INPP4A: variants seen among roughly 807,000 people sequenced by gnomAD.
INPP4A encodes the protein inositol polyphosphate-4-phosphatase type I A, also known as inositol polyphosphate-4-phosphatase, type I, 107kD.
INPP4A carries 33 observed loss-of-function variants against 119.8 expected under a neutral mutation model. That is an observed-to-expected ratio of 0.28 (90% confidence interval 0.21 to 0.37). INPP4A has a LOEUF of 0.37. Among genes scored for constraint, INPP4A ranks in the 10% least tolerant of loss-of-function variants. The probability of loss-of-function intolerance (pLI) is 1.00; values close to 1 mark genes in which losing one functional copy is unlikely to be tolerated. For synonymous variants in INPP4A, 496 were observed against 500.7 expected (o/e 0.99, Z 0.12); for missense variants, 956 against 1,289.9 (o/e 0.74, Z 3.97).
At chr2:98,461,647 C>T (rs919414986) in intron 1 of INPP4A, among the ~76,000 whole-genome samples, 2 of 152,252 alleles carry the variant, frequency 1.3e-5, no homozygotes, top group African/African-American at 2.4e-5. Context: ...CATGTCCCCT[C>T]CCTTAAGACA....
At chr2:98,521,274 T>TG (rs1240475337) in intron 4 of INPP4A, 1 of 152,460 alleles carries the variant, frequency 6.6e-6, no homozygotes, top group African/African-American at 2.4e-5. Context: ...CAGCGATACG[T>TG]GGCATCACTG....
intron 1 of INPP4A, among the ~76,000 whole-genome samples, chr2:98,474,589 C>T (rs951717750): frequency 6.6e-6 from 1 of 152,178 alleles, no homozygotes; most frequent in Admixed American, 6.5e-5. Flanking sequence ...AAGACCCAAA[C>T]CAGGCTTCTG....
chr2:98,510,235 G>C (rs575664310), intron 1 of INPP4A, among the ~76,000 whole-genome samples: 1 of 152,294 alleles, frequency 6.6e-6, no homozygotes, highest in Non-Finnish European at 1.5e-5. Context: ...GGATGTGAGA[G>C]GAGGAGGAGG....
intron 7 of INPP4A, among the ~76,000 whole-genome samples, chr2:98,537,244 A>C (rs537418192): frequency 1.3e-5 from 2 of 152,372 alleles, no homozygotes; most frequent in South Asian, 4.1e-4. Flanking sequence ...GAAAGCCTGA[A>C]GTTCCAGGGT....
intron 13 of INPP4A, chr2:98,548,904 G>A (rs980351964): frequency 1.9e-6 from 3 of 1,556,040 alleles, no homozygotes; most frequent in African/African-American, 1.4e-5. Flanking sequence ...TTTGCATTTG[G>A]TATTTGCTAA....
intron 1 of INPP4A, among the ~76,000 whole-genome samples, chr2:98,465,750 A>G (rs1245137384): frequency 1.3e-5 from 2 of 152,064 alleles, no homozygotes; most frequent in Non-Finnish European, 2.9e-5. Flanking sequence ...TCATTTTACT[A>G]TGTTGTTACA....
chr2:98,555,974 C>T (rs776565149), intron 16 of INPP4A, 166 bp downstream of exon 16: 27 of 747,022 alleles, frequency 3.6e-5, no homozygotes, highest in Non-Finnish European at 5.0e-5. Flanking sequence ...GCAGTGAGAG[C>T]GGAGTCTCCG....
intron 1 of INPP4A, among the ~76,000 whole-genome samples, chr2:98,512,162 C>T (rs1685237322): frequency 1.3e-5 from 2 of 152,232 alleles, no homozygotes; most frequent in Admixed American, 1.3e-4. Flanking sequence ...GAGCTCTATG[C>T]GGATGTTTTC....
intron 1 of INPP4A, among the ~76,000 whole-genome samples, chr2:98,480,948 C>T (rs560625336): frequency 4.2e-4 from 64 of 152,294 alleles, no homozygotes; most frequent in African/African-American, 1.4e-3. Flanking sequence ...TGGTGCTGCA[C>T]GTGCTCCATT....
intron 1 of INPP4A, among the ~76,000 whole-genome samples, chr2:98,460,434 C>G (rs1341430475): frequency 6.6e-6 from 1 of 152,066 alleles, no homozygotes; most frequent in Non-Finnish European, 1.5e-5. Flanking sequence ...GGCTCGAGCC[C>G]CTTCAGGCCT....
At chr2:98,542,544 A>G (rs1366889431) in intron 10 of INPP4A, among the ~76,000 whole-genome samples, 1 of 152,156 alleles carries the variant, frequency 6.6e-6, no homozygotes, top group Non-Finnish European at 1.5e-5. Context: ...TTCCACATAT[A>G]TGTGTAAAGT....
intron 1 of INPP4A, among the ~76,000 whole-genome samples, chr2:98,491,896 ATT>A (rs57088045): frequency 4.0e-5 from 6 of 148,740 alleles, no homozygotes; most frequent in African/African-American, 1.5e-4. Flanking sequence ...TCACAAGTGC[ATT>A]TTTTTTTTTG....
chr2:98,555,039 C>T (rs139858713), intron 15 of INPP4A, among the ~76,000 whole-genome samples: 1 of 152,328 alleles, frequency 6.6e-6, no homozygotes, highest in East Asian at 1.9e-4. Context: ...ATTGAGACTA[C>T]TGCTTAGAGG....
chr2:98,508,129 G>A (rs1480475269), intron 1 of INPP4A, among the ~76,000 whole-genome samples: 3 of 152,230 alleles, frequency 2.0e-5, no homozygotes, highest in Non-Finnish European at 4.4e-5. Context: ...AAGGGAAGAA[G>A]GAGAGAAGCA....
rs1018954558 is a variant in INPP4A at position 98,546,426 on chromosome 2, G to GCAGA, written c.1055-158_1055-155dup. Among the ~76,000 whole-genome samples, 1 of 152,204 alleles carries GCAGA rather than the reference G, an allele frequency of 6.6e-6. No homozygotes were observed. The highest frequency in any genetic ancestry group is 2.4e-5 in the African/African-American group (1 of 41,454). ...GCTGAGGTGATGGCACTGGGCTCCA[G>GCAGA]CAGACCCTTGGGCAGCCAGGGCTGT... On this transcript the variant is annotated intron_variant, in intron 12 of 24. Transcript: ENST00000409851. This position sits in a 1 kb window ranked among gnomAD's most constrained non-coding sequence, Gnocchi z 4.2.
chr2:98,587,478 A>G lies in INPP4A; in HGVS notation c.2789A>G (p.Glu930Gly). Residue 930 changes from glutamate to glycine, a missense_variant and splice_region_variant, in exon 25 of 25, where the codon GAG becomes GGG. This residue lies in a region of INPP4A where 304 missense variants were observed against 492.1 expected (regional missense o/e 0.62). Coordinates refer to ENST00000409851, the MANE Select transcript of INPP4A (RefSeq NM_001134225.2). ...FTQALECMRS[E>G]GCRRENTMKN... ...TCTTGTGCTTGTTTTTTCCCCAGTGAGGGTTGTCGAAGAGAAAATACAATG... is the reference window on the plus strand; with the variant it reads ...TCTTGTGCTTGTTTTTTCCCCAGTGGGGGTTGTCGAAGAGAAAATACAATG... 6.3e-7 allele frequency: 1 copy of G among 1,577,600 alleles called. No homozygotes were observed. The highest frequency in any genetic ancestry group is 1.9e-5 in the Admixed American group (1 of 52,918).
intron 1 of INPP4A, among the ~76,000 whole-genome samples, chr2:98,467,745 TAAC>T (rs1349767512): frequency 2.0e-5 from 3 of 152,322 alleles, no homozygotes; most frequent in East Asian, 3.9e-4. Context: ...TGCACCATAA[TAAC>T]GTTTTTCTGA....
chr2:98,460,990 C>A (rs1232718152), intron 1 of INPP4A, among the ~76,000 whole-genome samples: 1 of 152,278 alleles, frequency 6.6e-6, no homozygotes, highest in East Asian at 1.9e-4. Context: ...GGGGCTCTCC[C>A]TACAGTGTGA....
In INPP4A at chr2:98,587,591, G is replaced by A. The variant is rs76257041; in HGVS notation, c.2902G>A (p.Gly968Arg). The change falls in exon 25 of 25, where the codon GGA becomes AGA. Residue 968 changes from glycine (G) to arginine (R), a missense_variant. This residue lies in a region of INPP4A where 304 missense variants were observed against 492.1 expected (regional missense o/e 0.62). Coordinates refer to ENST00000409851, the MANE Select transcript of INPP4A (RefSeq NM_001134225.2). ...TTACAGGCCTCCCGAAGGGACTTAC[G>A]GAAAAGTTGAAACGTGAACACACGG... ...KHYRPPEGTY[G>R]KVET 1.1e-5 allele frequency: 18 copies of A among 1,600,142 alleles called. No individual in the cohort carries two copies. Among genetic ancestry groups the A allele is most frequent in the African/African-American group, 2.7e-5 (2 of 74,316 alleles).
Sources: allele counts gnomAD v4.1 joint callset (sites outside exome capture counted in the v4.1 genomes callset), GRCh38; gene constraint gnomAD v4.1.1; regional missense constraint gnomAD v4.1.1; non-coding constraint Gnocchi (gnomAD v3.1); transcripts MANE v1.5; gene names NCBI Gene and HGNC (gene_info 2026-07-23, HGNC 2026-07-21).